SYMPK: variants seen among roughly 807,000 people sequenced by gnomAD.
SYMPK encodes symplekin.
In SYMPK, 49 loss-of-function variants were observed where a neutral mutation model predicts 136.4. The observed-to-expected ratio is 0.36, with a 90% CI of 0.29 to 0.46. The LOEUF is 0.46. Ranked by LOEUF, SYMPK falls within the 20% of genes least tolerant of loss-of-function variation. The pLI, the probability that SYMPK is intolerant of heterozygous loss-of-function variation, is 1.00. For synonymous variants in SYMPK, 766 were observed against 713.0 expected (o/e 1.07, Z -1.19); for missense variants, 1,365 against 1,690.0 (o/e 0.81, Z 3.37).
chr19:45,820,968 T>TC (rs1231630984), intron 22 of SYMPK: 8 of 586,872 alleles, frequency 1.4e-5, no homozygotes, highest in Admixed American at 3.3e-5. Context: ...AGGCAAGCTC[T>TC]CCTGCCTCAC....
chr19:45,832,253 C>T (rs7258283), intron 11 of SYMPK, among the ~76,000 whole-genome samples: 48,425 of 151,934 alleles, frequency 0.32, 7,884 homozygotes, highest in Non-Finnish European at 0.35. Context: ...GCCATTTTCC[C>T]ACCTCAGCTT....
chr19:45,850,877 G>A (rs1452089258), intron 5 of SYMPK, among the ~76,000 whole-genome samples: 1 of 152,114 alleles, frequency 6.6e-6, no homozygotes, highest in Non-Finnish European at 1.5e-5. Context: ...CCTGAGACAT[G>A]GGGCTGCATG....
rs1248839813 is a variant in SYMPK, at chr19:45,826,233, C to A, written c.2322G>T (p.Lys774Asn). 3.1e-6 allele frequency: 5 copies of A among 1,611,754 alleles called. No homozygotes were observed. The highest frequency in any genetic ancestry group is 4.2e-6 in the Non-Finnish European group (5 of 1,178,952). ...NPPSVLFGAD[K>N]DTEVAAPWTE... is the part of the protein sequence containing the mutation. ...TGATGACCTGTGCCCAACCTGTGTC[C>A]TTGTCAGCTCCAAACAGCACAGACG... Residue 774 changes from lysine to asparagine, a missense_variant, in exon 17 of 27, where the codon AAG becomes AAT. Lys to Asn is a moderately conservative substitution (Grantham distance 94). Transcript: ENST00000245934.
At chr19:45,833,852 T>C (rs1039677298) in intron 11 of SYMPK, among the ~76,000 whole-genome samples, 1 of 152,122 alleles carries the variant, frequency 6.6e-6, no homozygotes, top group Non-Finnish European at 1.5e-5. Flanking sequence ...ATGAACAAAA[T>C]TATTAAGAAA....
intron 23 of SYMPK, 28 bp downstream of exon 23, chr19:45,817,931 G>A: frequency 3.9e-6 from 6 of 1,535,868 alleles, no homozygotes; most frequent in South Asian, 1.2e-5. Flanking sequence ...TCTGCAGCCT[G>A]GAGGCGGGGT....
intron 22 of SYMPK, among the ~76,000 whole-genome samples, chr19:45,818,733 C>T (rs1970813487): frequency 6.6e-6 from 1 of 152,112 alleles, no homozygotes; most frequent in Non-Finnish European, 1.5e-5. Context: ...GACCCCCCGA[C>T]TCAACACCCA....
intron 23 of SYMPK, 39 bp downstream of exon 23, chr19:45,817,920 G>C: frequency 6.6e-7 from 1 of 1,520,622 alleles, no homozygotes; most frequent in Non-Finnish European, 8.9e-7. Context: ...AGAAGCTGCT[G>C]TCTGCAGCCT....
chr19:45,825,066 TC>T, intron 18 of SYMPK, 104 bp downstream of exon 18: 1 of 1,449,854 alleles, frequency 6.9e-7, no homozygotes, highest in Non-Finnish European at 9.3e-7. Context: ...TGACCACCCT[TC>T]GGGCTTGGCA....
Position 45,852,105 on chromosome 19 carries a change from G to A in SYMPK, c.299+207C>T, listed in dbSNP as rs183702135. 7.1e-4 allele frequency among the ~76,000 whole-genome samples: 108 copies of A among 152,326 alleles called. 1 individual carries two copies. Among genetic ancestry groups the A allele is most frequent in the Non-Finnish European group, 5.4e-4 (37 of 68,026 alleles). ...CACAGTCCTTAGTGATAATGTAGAT[G>A]TGAAGTGTGGAAGAAGCAGAGGAAT... is the stretch of plus-strand genomic sequence containing the variant. On this transcript the variant is annotated intron_variant, in intron 5 of 26. Coordinates refer to ENST00000245934, the MANE Select transcript of SYMPK (RefSeq NM_004819.3).
chr19:45,827,752 A>C (rs1032032467), intron 15 of SYMPK, 85 bp downstream of exon 15: 2 of 1,526,390 alleles, frequency 1.3e-6, no homozygotes, highest in Non-Finnish European at 1.8e-6. Flanking sequence ...CCCGGCCACA[A>C]GGTTTAGACT....
chr19:45,829,898 G>C (rs1204381663), intron 13 of SYMPK, among the ~76,000 whole-genome samples, 156 bp downstream of exon 13: 1 of 152,236 alleles, frequency 6.6e-6, no homozygotes, highest in Non-Finnish European at 1.5e-5. Flanking sequence ...CTGTTTTATG[G>C]AGGATGGGAG....
chr19:45,853,615 A>C (rs1971746051), intron 3 of SYMPK, among the ~76,000 whole-genome samples: 1 of 101,758 alleles, frequency 9.8e-6, no homozygotes, highest in Non-Finnish European at 2.1e-5. Context: ...CTCTGCCTCA[A>C]AAAAAAAAAA....
In SYMPK at chr19:45,847,973, T is replaced by G; in HGVS notation, c.455A>C (p.Glu152Ala). Reference sequence around the variant, plus strand: ...CATGTCCCAGCAGGCCTCCTGTAGCTCGCTAATGACCCGTGACTTTACCAT... The same window carrying G: ...CATGTCCCAGCAGGCCTCCTGTAGCGCGCTAATGACCCGTGACTTTACCAT... ...QWMVKSRVIS[E>A]LQEACWDMVS... The change falls in exon 7 of 27, where the codon GAG becomes GCG. Residue 152 changes from glutamate (E) to alanine (A), a missense_variant. By Grantham distance (107) the Glu-to-Ala change is moderately radical. Around this residue, in one of 11 missense-constraint regions of SYMPK, gnomAD observed 237 missense variants for 292.9 expected, o/e 0.81. Coordinates refer to ENST00000245934, the MANE Select transcript of SYMPK (RefSeq NM_004819.3). 2 of 1,603,284 alleles carry G rather than the reference T, an allele frequency of 1.2e-6. No individual in the cohort carries two copies. Among genetic ancestry groups the G allele is most frequent in the Non-Finnish European group, 1.7e-6 (2 of 1,172,464 alleles).
chr19:45,832,344 A>G (rs1971201910), intron 11 of SYMPK, among the ~76,000 whole-genome samples: 1 of 150,834 alleles, frequency 6.6e-6, no homozygotes, highest in South Asian at 2.1e-4. Context: ...GTTTCACCAC[A>G]TTGGCCAGGC....
At chr19:45,827,943 T>A in intron 14 of SYMPK, 25 bp from the exon 15 acceptor site, 1 of 1,611,882 alleles carries the variant, frequency 6.2e-7, no homozygotes, top group Non-Finnish European at 8.5e-7. Flanking sequence ...GGGAGGGCCA[T>A]GGCTGCAGAG....
At position 45,827,843 on chromosome 19, in the gene SYMPK, C is replaced by A. The variant is rs988433660; in HGVS notation, c.2061G>T (p.Glu687Asp). 14 of 1,613,906 alleles carry A rather than the reference C, an allele frequency of 8.7e-6. No individual in the cohort carries two copies. The highest frequency in any genetic ancestry group is 1.2e-5 in the Non-Finnish European group (14 of 1,180,012). ...SALEVVRKYC[E>D]DESRTYLGMS... ...GACCAGGGCCTGTCCTCACCTCATC[C>A]TCGCAGTACTTGCGGACCACCTCCA... The change falls in exon 15 of 27, where the codon GAG becomes GAT. Residue 687 changes from glutamate (E) to aspartate (D), a missense_variant. Glu to Asp is a conservative substitution (Grantham distance 45). Coordinates refer to ENST00000245934, the MANE Select transcript of SYMPK (RefSeq NM_004819.3).
Position 45,816,158 on chromosome 19 carries a change from G to T in SYMPK, c.3380C>A (p.Ala1127Asp), listed in dbSNP as rs1323896594. ...AGGGGGCCGGGGTGCTGGGGCCGGG[G>T]CCAAGGTCAGGGGCTCCAGATCATC... ...EEDDLEPLTLAPAPAPRPPQD... is the reference protein window; with the variant it reads ...EEDDLEPLTLDPAPAPRPPQD... Residue 1127 changes from alanine (A) to aspartate (D), a missense_variant, in exon 26 of 27, where the codon GCC becomes GAC. Ala to Asp is a moderately radical substitution (Grantham distance 126). Transcript: ENST00000245934. 1 of 1,543,606 alleles carries T rather than the reference G, an allele frequency of 6.5e-7. No homozygotes were observed. The highest frequency in any genetic ancestry group is 8.8e-7 in the Non-Finnish European group (1 of 1,141,344).
chr19:45,816,476 C>T lies in SYMPK; in HGVS notation c.3354+6G>A, dbSNP rs771700059. On this transcript the variant is annotated splice_donor_region_variant and intron_variant, in intron 25 of 26. Transcript: ENST00000245934. The stretch of plus-strand genomic sequence containing the variant: ...GATCCAGATGGGTGGGCTGCAGGGC[C>T]CTCACCTCCTCCAAGGGCCCCGCAG... 6.2e-7 allele frequency: 1 copy of T among 1,610,064 alleles called. No homozygotes were observed. The highest frequency in any genetic ancestry group is 8.5e-7 in the Non-Finnish European group (1 of 1,179,448).
intron 9 of SYMPK, among the ~76,000 whole-genome samples, chr19:45,839,666 T>TA (rs35046704): frequency 6.6e-6 from 1 of 151,506 alleles, no homozygotes; most frequent in Non-Finnish European, 1.5e-5. Context: ...CCGTCTCTAC[T>TA]AAAAAAAATA....
Sources: gnomAD v4.1 joint callset for allele counts (sites outside exome capture counted in the v4.1 genomes callset) on GRCh38, gnomAD v4.1.1 for gene constraint, gnomAD v4.1.1 regional missense constraint, MANE v1.5 for transcripts, NCBI Gene and HGNC (gene_info 2026-07-23, HGNC 2026-07-21) for gene names.